The following DPP6 variants were observed in gnomAD, a reference collection of about 807,000 sequenced individuals.
DPP6 encodes dipeptidyl peptidase like 6, also known as A-type potassium channel modulatory protein DPP6.
In DPP6, 69 loss-of-function variants were observed where a neutral mutation model predicts 122.6. The ratio of observed to expected loss-of-function variants is 0.56; its 90% CI spans 0.46 to 0.69. DPP6 has a LOEUF of 0.69. Ranked by LOEUF, DPP6 falls within the 30% of genes least tolerant of loss-of-function variation. The probability of loss-of-function intolerance (pLI) is 0.00; values close to 1 mark genes in which losing one functional copy is unlikely to be tolerated. For missense variants in DPP6, 928 were observed against 1,116.9 expected, an observed-to-expected ratio of 0.83 and a Z score of 2.41; for synonymous variants, 418 against 433.1, an observed-to-expected ratio of 0.97 and a Z score of 0.43.
chr7:154,300,051 C>A (rs192321361), intron 1 of DPP6, among the ~76,000 whole-genome samples: 1 of 152,196 alleles, frequency 6.6e-6, no homozygotes, highest in Non-Finnish European at 1.5e-5. Context: ...GGACTGATTG[C>A]GCCTCAAATC....
chr7:154,118,059 G>A (rs1298457513), intron 1 of DPP6, among the ~76,000 whole-genome samples: 1 of 149,356 alleles, frequency 6.7e-6, no homozygotes, highest in African/African-American at 2.6e-5. Flanking sequence ...AGAGATGCCT[G>A]CTGGTAAACA....
At chr7:154,351,440 A>G (rs1336985102) in intron 1 of DPP6, among the ~76,000 whole-genome samples, 1 of 152,112 alleles carries the variant, frequency 6.6e-6, no homozygotes, top group African/African-American at 2.4e-5. Context: ...ATAGCAGCTG[A>G]GTGTAAATTT....
At chr7:154,284,401 T>C (rs1585828137) in intron 1 of DPP6, among the ~76,000 whole-genome samples, 2 of 152,338 alleles carry the variant, frequency 1.3e-5, no homozygotes, top group Non-Finnish European at 2.9e-5. Flanking sequence ...CCTATGTTCT[T>C]TGCAGCATTA....
chr7:154,124,303 G>A (rs1015160094), intron 1 of DPP6, among the ~76,000 whole-genome samples: 1 of 152,200 alleles, frequency 6.6e-6, no homozygotes, highest in African/African-American at 2.4e-5. Flanking sequence ...CTGAAGCAGA[G>A]TGTAAGGGAT....
chr7:154,614,673 T>C (rs938285615), intron 5 of DPP6, among the ~76,000 whole-genome samples: 1 of 152,218 alleles, frequency 6.6e-6, no homozygotes, highest in Non-Finnish European at 1.5e-5. Context: ...TAAATTCTCC[T>C]GAAAGCTAAC....
At chr7:154,637,714 C>T (rs1835814876) in intron 5 of DPP6, 107 bp from the exon 6 acceptor site, 3 of 1,158,262 alleles carry the variant, frequency 2.6e-6, no homozygotes, top group African/African-American at 1.6e-5. Context: ...TTGGGATTAG[C>T]TGCTTTTGGT....
intron 21 of DPP6, chr7:154,884,896 A>T (rs1403738045): frequency 2.0e-5 from 3 of 152,136 alleles, no homozygotes; most frequent in South Asian, 2.1e-4. Flanking sequence ...CACACATATC[A>T]CACACACACA....
At chr7:154,080,654 C>T (rs868401503) in intron 1 of DPP6, among the ~76,000 whole-genome samples, 13 of 152,304 alleles carry the variant, frequency 8.5e-5, no homozygotes, top group Middle Eastern at 3.4e-3. Context: ...GTCATACCTC[C>T]GTCTGTAAGT....
intron 7 of DPP6, among the ~76,000 whole-genome samples, chr7:154,714,161 C>T (rs1053798806): frequency 1.6e-4 from 25 of 152,126 alleles, no homozygotes; most frequent in Non-Finnish European, 8.8e-5. Context: ...CAAAGCTATT[C>T]GACAAGTCTC....
chr7:154,671,986 G>T (rs895774890), intron 7 of DPP6, among the ~76,000 whole-genome samples: 1 of 152,076 alleles, frequency 6.6e-6, no homozygotes, highest in Non-Finnish European at 1.5e-5. Flanking sequence ...TCCTTGGTTA[G>T]GTGGTGATAT....
At chr7:154,541,875 G>C (rs1228516922) in intron 4 of DPP6, among the ~76,000 whole-genome samples, 2 of 152,210 alleles carry the variant, frequency 1.3e-5, no homozygotes, top group African/African-American at 4.8e-5. Context: ...ACAGCTCAGT[G>C]ATGGCTGAGG....
At chr7:153,797,022 G>T in the DPP6 span, among the ~76,000 whole-genome samples, 1 of 152,174 alleles carries the variant, frequency 6.6e-6, no homozygotes, top group Non-Finnish European at 1.5e-5. Context: ...AAGCTGCCCT[G>T]TGGAGGGGCC....
intron 1 of DPP6, among the ~76,000 whole-genome samples, chr7:154,331,886 T>A (rs1808977799): frequency 6.6e-6 from 1 of 152,198 alleles, no homozygotes; most frequent in Non-Finnish European, 1.5e-5. Context: ...GTTCTCTTCT[T>A]ATGGTGCACA....
chr7:153,967,558 G>C (rs766133973), intron 1 of DPP6, among the ~76,000 whole-genome samples: 38 of 152,158 alleles, frequency 2.5e-4, no homozygotes, highest in Non-Finnish European at 5.3e-4. Context: ...TCCATTAGCT[G>C]ACCTCGGGGG....
At chr7:154,128,575 G>A (rs1375289191) in intron 1 of DPP6, among the ~76,000 whole-genome samples, 2 of 152,002 alleles carry the variant, frequency 1.3e-5, no homozygotes, top group Admixed American at 6.6e-5. Context: ...CTAATTTTTT[G>A]TATTTTTAGT....
intron 5 of DPP6, among the ~76,000 whole-genome samples, chr7:154,595,875 A>G (rs886324764): frequency 6.6e-6 from 1 of 152,182 alleles, no homozygotes; most frequent in African/African-American, 2.4e-5. Context: ...CCTGGCCAAC[A>G]TGGTGAAACC....
intron 1 of DPP6, among the ~76,000 whole-genome samples, chr7:154,413,090 C>G (rs1816749789): frequency 6.6e-6 from 1 of 152,192 alleles, no homozygotes; most frequent in African/African-American, 2.4e-5. Flanking sequence ...TTGAGATTCC[C>G]CCACTGACCT....
chr7:154,637,908 T>C, intron 6 of DPP6, 35 bp downstream of exon 6: 1 of 1,550,258 alleles, frequency 6.5e-7, no homozygotes, highest in Non-Finnish European at 8.7e-7. Flanking sequence ...TAATTAGAAA[T>C]ATGCAGGGCA....
the DPP6 span, among the ~76,000 whole-genome samples, chr7:153,864,150 G>A: frequency 6.6e-6 from 1 of 152,266 alleles, no homozygotes; most frequent in Admixed American, 6.5e-5. Context: ...ACATTTTGAG[G>A]AACGCCAGAC....
Sources: gnomAD v4.1 joint callset for allele counts (sites outside exome capture counted in the v4.1 genomes callset) on GRCh38, gnomAD v4.1.1 for gene constraint, MANE v1.5 for transcripts, NCBI Gene and HGNC (gene_info 2026-07-23, HGNC 2026-07-21) for gene names.